KLHL4: variants seen among roughly 807,000 people sequenced by gnomAD.
KLHL4 encodes kelch-like protein 4.
Under a neutral mutation model 45.8 loss-of-function variants are expected in KLHL4, and 17 were observed. That is an observed-to-expected ratio of 0.37 (90% CI 0.25 to 0.56). The LOEUF is 0.56. Among genes scored for constraint, KLHL4 ranks in the 20% least tolerant of loss-of-function variants. The pLI is 0.79. For missense variants in KLHL4, 544 were observed against 544.9 expected, an observed-to-expected ratio of 1.00 and a Z score of 0.02; for synonymous variants, 224 against 189.9, an observed-to-expected ratio of 1.18 and a Z score of -1.47.
At chrX:87,536,918 T>C (rs1248872259) in intron 1 of KLHL4, among the ~76,000 whole-genome samples, 2 of 111,792 alleles carry the variant, frequency 1.8e-5, no homozygotes, top group Admixed American at 1.9e-4. Context: ...GTAACATAAG[T>C]TTAAAATTTA....
chrX:87,610,146 C>T (rs906728781), intron 1 of KLHL4, among the ~76,000 whole-genome samples: 1 of 112,052 alleles, frequency 8.9e-6, no homozygotes, highest in African/African-American at 3.2e-5. Flanking sequence ...ATCCCAAAGC[C>T]TCGACTCTCT....
At chrX:87,542,745 T>C (rs1038522497) in intron 1 of KLHL4, among the ~76,000 whole-genome samples, 3 of 112,255 alleles carry the variant, frequency 2.7e-5, no homozygotes, top group East Asian at 5.7e-4. Flanking sequence ...GGACTTGCCT[T>C]GTCTCATATG....
intron 4 of KLHL4, among the ~76,000 whole-genome samples, chrX:87,621,538 G>A (rs867346902): frequency 6.6e-4 from 60 of 90,560 alleles, no homozygotes; most frequent in African/African-American, 2.3e-3. Context: ...AAAAAAATAC[G>A]AAAATATTAG....
At chrX:87,548,462 A>G (rs1931731293) in intron 1 of KLHL4, among the ~76,000 whole-genome samples, 1 of 111,830 alleles carries the variant, frequency 8.9e-6, no homozygotes, top group Non-Finnish European at 1.9e-5. Context: ...AAGTACATAA[A>G]AAAACACAGA....
rs1023444777 is a variant in KLHL4 at position 87,605,398 on chromosome X, G to A, written c.423-8479G>A. ...ATTAATTCTTTCAATCTGTTAACAT[G>A]GGATATCTTTCCATTTTTTCATGTC... On this transcript the variant is annotated intron_variant, in intron 1 of 10. Transcript: ENST00000373119. Among the ~76,000 whole-genome samples the A allele has an allele frequency of 2.7e-5, 3 of 110,543 alleles. No individual in the cohort carries two copies. The Admixed American group carries it at 2.9e-4, about 11-fold the overall frequency.
chrX:87,649,183 T>A (rs1197484397), intron 9 of KLHL4, among the ~76,000 whole-genome samples: 1 of 111,883 alleles, frequency 8.9e-6, no homozygotes, highest in Non-Finnish European at 1.9e-5. Context: ...ACAATAACTG[T>A]ACATTTTTAC....
intron 1 of KLHL4, among the ~76,000 whole-genome samples, chrX:87,561,870 A>G (rs186899118): frequency 1.3e-3 from 140 of 110,250 alleles, no homozygotes; most frequent in Non-Finnish European, 2.2e-3. Flanking sequence ...CCCACCTCCC[A>G]GACAGCATTT....
chrX:87,662,870 T>C (rs751422896), intron 9 of KLHL4, among the ~76,000 whole-genome samples: 4 of 101,929 alleles, frequency 3.9e-5, no homozygotes, highest in South Asian at 4.5e-4. Flanking sequence ...GCGGAGCTTG[T>C]AGTGAGCCCA....
At chrX:87,594,140 T>C (rs1229571697) in intron 1 of KLHL4, among the ~76,000 whole-genome samples, 2 of 111,784 alleles carry the variant, frequency 1.8e-5, no homozygotes, top group Non-Finnish European at 3.8e-5. Flanking sequence ...TCTGATTCAT[T>C]CTGGGTTCTC....
At chrX:87,533,463 C>T (rs1931351761) in intron 1 of KLHL4, among the ~76,000 whole-genome samples, 1 of 101,276 alleles carries the variant, frequency 9.9e-6, no homozygotes, top group African/African-American at 3.6e-5. Flanking sequence ...GACAAAAAAC[C>T]AAACACCGCA....
intron 6 of KLHL4, among the ~76,000 whole-genome samples, chrX:87,631,282 C>T (rs1471519382): frequency 2.7e-5 from 3 of 111,735 alleles, no homozygotes; most frequent in Non-Finnish European, 5.6e-5. Flanking sequence ...ATCGGTGCAG[C>T]TGCCATCATT....
chrX:87,523,846 C>T (rs1456193382), intron 1 of KLHL4, among the ~76,000 whole-genome samples: 2 of 110,482 alleles, frequency 1.8e-5, no homozygotes, highest in African/African-American at 6.6e-5. Context: ...ACCTGTAATC[C>T]CAGCTACTCG....
rs1924420094 is a variant in KLHL4 at position 87,667,734 on chromosome X, C to T, written c.*1200C>T. 1.5e-6 allele frequency: 1 copy of T among 688,881 alleles called. No homozygotes were observed. Among genetic ancestry groups the T allele is most frequent in the Non-Finnish European group, 1.7e-6 (1 of 580,947 alleles). The allele number at this position is 688,881 out of a possible 1,213,427, so 56.8% of individuals were successfully genotyped here. On this transcript the variant is annotated 3_prime_UTR_variant, in exon 11 of 11. Transcript: ENST00000373119. ...AAAACCCTTTGTGAAAGTAACTTTT[C>T]AAGTAAATGCACAACTTTAGAATTT...
At chrX:87,563,165 A>G (rs1276483019) in intron 1 of KLHL4, among the ~76,000 whole-genome samples, 1 of 110,846 alleles carries the variant, frequency 9.0e-6, no homozygotes, top group African/African-American at 3.3e-5. Flanking sequence ...GGACAAGAGC[A>G]CATAAGCCCA....
chrX:87,667,930 C>T lies in KLHL4; in HGVS notation c.*1396C>T, dbSNP rs750382619. The T allele has an allele frequency of 7.2e-6, 5 of 690,685 alleles. No homozygotes were observed. The highest frequency in any genetic ancestry group is 6.9e-6 in the Non-Finnish European group (4 of 581,215). 56.9% of individuals were successfully genotyped at this position (690,685 alleles called of 1,213,427 possible). On this transcript the variant is annotated 3_prime_UTR_variant, in exon 11 of 11. Transcript: ENST00000373119. ...TGAATTTAAATAAACTTTATTTCCT[C>T]TCACTATAGTGTGGCTTTAGAATAT...
chrX:87,664,807 A>G lies in KLHL4; in HGVS notation c.1969A>G (p.Ser657Gly). ...TTCATGGTCAACTGTGGCACCTCTG[A>G]GTGTTCCTCGAGATGCTGTTGCTGT... ...GDSWSTVAPL[S>G]VPRDAVAVCP... is the part of the protein sequence containing the mutation. Residue 657 changes from serine to glycine, a missense_variant, in exon 10 of 11, where the codon AGT becomes GGT. Coordinates refer to ENST00000373119, the MANE Select transcript of KLHL4 (RefSeq NM_019117.5). 8.3e-7 allele frequency: 1 copy of G among 1,205,450 alleles called. No homozygotes were observed. Among genetic ancestry groups the G allele is most frequent in the Non-Finnish European group, 1.1e-6 (1 of 890,645 alleles).
rs548739290 is a variant in KLHL4 at position 87,611,731 on chromosome X, TA to T, written c.423-2137del. Among the ~76,000 whole-genome samples the T allele has an allele frequency of 1.2e-3, 128 of 108,092 alleles. 2 individuals are homozygous for T. In the South Asian group the frequency reaches 0.045, roughly 38 times the overall value. 93.9% of individuals were successfully genotyped at this position (108,092 alleles called of 115,157 possible). ...TATTTTAGAGTGTATTCCTTCTACTTAAAAAAAAAGTTAACTGTAAAACAAC... is the reference window on the plus strand; with the variant it reads ...TATTTTAGAGTGTATTCCTTCTACTTAAAAAAAAGTTAACTGTAAAACAAC... On this transcript the variant is annotated intron_variant, in intron 1 of 10. Transcript: ENST00000373119.
At position 87,604,830 on chromosome X, in the gene KLHL4, A is replaced by G. The variant is rs376185099; in HGVS notation, c.423-9047A>G. Among the ~76,000 whole-genome samples the G allele has an allele frequency of 6.3e-5, 7 of 110,972 alleles. No homozygotes were observed. In the East Asian group the frequency reaches 1.7e-3, roughly 27 times the overall value. On this transcript the variant is annotated intron_variant, in intron 1 of 10. Coordinates refer to ENST00000373119, the MANE Select transcript of KLHL4 (RefSeq NM_019117.5). The stretch of plus-strand genomic sequence containing the variant: ...CCTGTGCTTTTGAGGTCTTATTTAA[A>G]CACTCCTTGCCCCTCCCAATGTCAC...
At chrX:87,556,522 TG>T (rs36174498) in intron 1 of KLHL4, among the ~76,000 whole-genome samples, 24,512 of 97,413 alleles carry the variant, frequency 0.25, 2,811 homozygotes, top group East Asian at 0.51. Flanking sequence ...TGGGGACTGT[TG>T]TGGGGTGGGG....
Sources: allele counts gnomAD v4.1 joint callset (sites outside exome capture counted in the v4.1 genomes callset), GRCh38; gene constraint gnomAD v4.1.1; transcripts MANE v1.5; gene names NCBI Gene and HGNC (gene_info 2026-07-23, HGNC 2026-07-21).